BRCA2: variants seen among roughly 807,000 people sequenced by gnomAD.
The protein encoded by BRCA2 is BRCA2 DNA repair associated.
Under a neutral mutation model 276.7 loss-of-function variants are expected in BRCA2, and 203 were observed. The ratio of observed to expected loss-of-function variants is 0.73; its 90% CI spans 0.65 to 0.82. The LOEUF is 0.82. Ranked by LOEUF, BRCA2 falls within the 40% of genes least tolerant of loss-of-function variation. BRCA2 has a pLI of 0.00. For missense variants in BRCA2, 3,920 were observed against 3,915.0 expected (o/e 1.00, Z -0.03); for synonymous variants, 1,289 against 1,338.4 (o/e 0.96, Z 0.81).
rs1555287728 is a variant in BRCA2 at position 32,370,942 on chromosome 13, A to G, written c.8488-14A>G. Reference sequence around the variant, plus strand: ...ATATGTGACTTTTTTGGTGTGTGTAACACATTATTACAGTGGATGGAGAAG... The same window carrying G: ...ATATGTGACTTTTTTGGTGTGTGTAGCACATTATTACAGTGGATGGAGAAG... On this transcript the variant is annotated splice_polypyrimidine_tract_variant and intron_variant, in intron 19 of 26. Transcript: ENST00000380152. 1 of 1,614,020 alleles carries G rather than the reference A, an allele frequency of 6.2e-7. No individual in the cohort carries two copies. Among genetic ancestry groups the G allele is most frequent in the Non-Finnish European group, 8.5e-7 (1 of 1,179,924 alleles).
At chr13:32,347,043 T>C (rs1223648300) in intron 13 of BRCA2, 147 bp downstream of exon 13, 26 of 616,700 alleles carry the variant, frequency 4.2e-5, no homozygotes, top group East Asian at 1.4e-4. Context: ...TTTGGTAGTA[T>C]TTTATAGTGC....
chr13:32,329,468 T>C lies in BRCA2; in HGVS notation c.657T>C (p.Thr219=), dbSNP rs2137458293. 1 of 1,598,140 alleles carries C rather than the reference T, an allele frequency of 6.3e-7. No homozygotes were observed. Among genetic ancestry groups the C allele is most frequent in the Non-Finnish European group, 8.6e-7 (1 of 1,167,304 alleles). ...LIVRNEEASE[T]VFPHDTTANV... is the part of the protein sequence containing the mutation. ...TCAGAAATGAAGAAGCATCTGAAACTGTATTTCCTCATGATACTACTGCTG... is the reference window on the plus strand; with the variant it reads ...TCAGAAATGAAGAAGCATCTGAAACCGTATTTCCTCATGATACTACTGCTG... Residue 219 remains threonine, a synonymous_variant, in exon 8 of 27, where the codon ACT becomes ACC. Coordinates refer to ENST00000380152, the MANE Select transcript of BRCA2 (RefSeq NM_000059.4).
At chr13:32,379,568 C>G (rs1158257180) in intron 22 of BRCA2, 53 bp downstream of exon 22, 3 of 1,579,132 alleles carry the variant, frequency 1.9e-6, no homozygotes, top group Middle Eastern at 1.7e-4. Context: ...AAAAAATGAC[C>G]TTACTAACAA....
intron 4 of BRCA2, 79 bp from the exon 5 acceptor site, chr13:32,326,022 T>C: frequency 8.0e-7 from 1 of 1,256,868 alleles, no homozygotes; most frequent in Non-Finnish European, 1.1e-6. Flanking sequence ...TGAATGAGAA[T>C]CTTCTTTTAA....
At chr13:32,325,599 G>A (rs1348302248) in intron 4 of BRCA2, among the ~76,000 whole-genome samples, 2 of 148,116 alleles carry the variant, frequency 1.4e-5, no homozygotes, top group African/African-American at 5.0e-5. Flanking sequence ...GTAGTGCAGT[G>A]GTGCGATCTC....
At chr13:32,356,395 T>C (rs375675064) in intron 14 of BRCA2, 33 bp from the exon 15 acceptor site, 1 of 1,603,214 alleles carries the variant, frequency 6.2e-7, no homozygotes, top group Non-Finnish European at 8.5e-7. Context: ...TAAATTTCAA[T>C]TTTATTTTTG....
At chr13:32,375,139 C>G (rs1188047142) in intron 20 of BRCA2, among the ~76,000 whole-genome samples, 2 of 152,182 alleles carry the variant, frequency 1.3e-5, no homozygotes, top group Non-Finnish European at 2.9e-5. Context: ...AGAAACTGCC[C>G]CCGTGATCCA....
Position 32,370,430 on chromosome 13 carries a change from G to T in BRCA2, c.8360G>T (p.Arg2787Leu), listed in dbSNP as rs80359078. The change falls in exon 19 of 27, where the codon CGC (arginine) becomes CTC (leucine). Residue 2787 changes from arginine (R) to leucine (L), a missense_variant. By Grantham distance (102) the Arg-to-Leu change is moderately radical. Coordinates refer to ENST00000380152, the MANE Select transcript of BRCA2 (RefSeq NM_000059.4). ...TCTGCTAACAGTACTCGGCCTGCTC[G>T]CTGGTATACCAAACTTGGATTCTTT... ...KISANSTRPA[R>L]WYTKLGFFPD... 6.2e-7 allele frequency: 1 copy of T among 1,613,790 alleles called. No individual in the cohort carries two copies.
rs969961362 is a variant in BRCA2 at position 32,370,822 on chromosome 13, A to G, written c.8488-134A>G. 3.5e-5 allele frequency: 40 copies of G among 1,152,270 alleles called. No homozygotes were observed. The African/African-American group carries it at 5.5e-4, about 16-fold the overall frequency. The allele number at this position is 1,152,270 out of a possible 1,614,324, so 71.4% of individuals were successfully genotyped here. On this transcript the variant is annotated intron_variant, in intron 19 of 26. Transcript: ENST00000380152. Reference sequence around the variant, plus strand: ...TGGTCAGGCTGATCTCGAACTCCTGACCTCAGGTGATCCACTAATCTCAGC... The same window carrying G: ...TGGTCAGGCTGATCTCGAACTCCTGGCCTCAGGTGATCCACTAATCTCAGC...
At chr13:32,389,438 G>T (rs989698778) in intron 24 of BRCA2, among the ~76,000 whole-genome samples, 1 of 151,948 alleles carries the variant, frequency 6.6e-6, no homozygotes, top group Non-Finnish European at 1.5e-5. Flanking sequence ...TCTCTTTTCT[G>T]TTTAAACAAT....
Position 32,338,300 on chromosome 13 carries a change from A to G in BRCA2, c.3945A>G (p.Arg1315=). The G allele has an allele frequency of 6.3e-7, 1 of 1,581,040 alleles. No individual in the cohort carries two copies. The highest frequency in any genetic ancestry group is 1.4e-5 in the African/African-American group (1 of 73,514). Reference sequence around the variant, plus strand: ...AAGAAATTACTGAAAATTACAAGAGAAATACTGAAAATGAAGATAACAAAT... The same window carrying G: ...AAGAAATTACTGAAAATTACAAGAGGAATACTGAAAATGAAGATAACAAAT... ...FVEEITENYK[R]NTENEDNKYT... The change falls in exon 11 of 27, where the codon AGA becomes AGG. Residue 1315 remains arginine (R), a synonymous_variant. Transcript: ENST00000380152.
chr13:32,338,563 C>T lies in BRCA2; in HGVS notation c.4208C>T (p.Thr1403Ile), dbSNP rs2072498862. The change falls in exon 11 of 27, where the codon ACT (threonine) becomes ATT (isoleucine). Residue 1403 changes from threonine (T) to isoleucine (I), a missense_variant. Physicochemically the swap from Thr to Ile is moderately conservative, Grantham distance 89. Coordinates refer to ENST00000380152, the MANE Select transcript of BRCA2 (RefSeq NM_000059.4). Reference protein sequence around the residue: ...AKAQEACHGNTSNKEQLTATK... With the variant: ...AKAQEACHGNISNKEQLTATK... ...GCTCAAGAAGCATGTCATGGTAATA[C>T]TTCAAATAAAGAACAGTTAACTGCT... 3.8e-6 allele frequency: 6 copies of T among 1,596,302 alleles called. No homozygotes were observed. The highest frequency in any genetic ancestry group is 5.1e-6 in the Non-Finnish European group (6 of 1,172,218).
chr13:32,358,058 G>T (rs1455269173), intron 16 of BRCA2, 129 bp downstream of exon 16: 2 of 956,776 alleles, frequency 2.1e-6, no homozygotes, highest in African/African-American at 1.6e-5. Context: ...TGTTTTAAGT[G>T]CATTATGGTT....
chr13:32,375,333 A>G (rs1395038650), intron 20 of BRCA2: 2 of 443,268 alleles, frequency 4.5e-6, no homozygotes, highest in Non-Finnish European at 4.5e-6. Context: ...TATTTTCACC[A>G]TATATGCAGT....
At chr13:32,376,889 A>AT in intron 21 of BRCA2, 98 bp downstream of exon 21, 1 of 1,511,058 alleles carries the variant, frequency 6.6e-7, no homozygotes, top group Non-Finnish European at 9.0e-7. Context: ...GTATGTTGAA[A>AT]TGCTGCATTT....
intron 3 of BRCA2, 100 bp from the exon 4 acceptor site, chr13:32,324,976 C>A: frequency 2.5e-6 from 2 of 805,522 alleles, no homozygotes; most frequent in Admixed American, 2.0e-5. Flanking sequence ...CATTCTCATT[C>A]CCAGTATAGA....
At chr13:32,353,482 A>G (rs1228738803) in intron 13 of BRCA2, among the ~76,000 whole-genome samples, 1 of 144,446 alleles carries the variant, frequency 6.9e-6, no homozygotes, top group African/African-American at 2.6e-5. Flanking sequence ...AGCCCTTGTC[A>G]TGGTGTACAG....
rs2137476384 is a variant in BRCA2, at chr13:32,333,400, T to A, written c.1909+13T>A. 4 of 1,563,744 alleles carry A rather than the reference T, an allele frequency of 2.6e-6. No homozygotes were observed. Among genetic ancestry groups the A allele is most frequent in the Non-Finnish European group, 3.5e-6 (4 of 1,145,816 alleles). On this transcript the variant is annotated intron_variant, in intron 10 of 26. Coordinates refer to ENST00000380152, the MANE Select transcript of BRCA2 (RefSeq NM_000059.4). ...AATGCTGATTCAGGTACCTCTGTCT[T>A]TTTTTTTTTGTAAATAGTACATATA...
Position 32,398,149 on chromosome 13 carries a change from A to AT in BRCA2, c.9649-6dup, listed in dbSNP as rs276174929. On this transcript the variant is annotated splice_polypyrimidine_tract_variant and intron_variant, in intron 26 of 26. Transcript: ENST00000380152. ...CATAATTATGATAGGCTACGTTTTCATTTTTTTATCAGATGTCTTCTCCTA... is the reference window on the plus strand; with the variant it reads ...CATAATTATGATAGGCTACGTTTTCATTTTTTTTATCAGATGTCTTCTCCTA... The AT allele has an allele frequency of 1.9e-5, 31 of 1,601,636 alleles. No individual in the cohort carries two copies. Among genetic ancestry groups the AT allele is most frequent in the Middle Eastern group, 1.7e-4 (1 of 6,032 alleles).
Sources: allele counts gnomAD v4.1 joint callset (sites outside exome capture counted in the v4.1 genomes callset), GRCh38; gene constraint gnomAD v4.1.1; transcripts MANE v1.5; gene names NCBI Gene and HGNC (gene_info 2026-07-23, HGNC 2026-07-21).